ADAM12: variants seen among roughly 807,000 people sequenced by gnomAD.
ADAM12 encodes the protein ADAM metallopeptidase domain 12, also known as disintegrin and metalloproteinase domain-containing protein 12.
Under a neutral mutation model 106.4 loss-of-function variants are expected in ADAM12, and 70 were observed. The observed-to-expected ratio is 0.66, with a 90% CI of 0.54 to 0.80. The LOEUF (loss-of-function observed/expected upper bound fraction) is 0.80. Ranked by LOEUF, ADAM12 falls within the 30% of genes least tolerant of loss-of-function variation. ADAM12 has a pLI of 0.00. For missense variants in ADAM12, 1,010 were observed against 1,171.9 expected, an observed-to-expected ratio of 0.86 and a Z score of 2.02; for synonymous variants, 420 against 433.5, an observed-to-expected ratio of 0.97 and a Z score of 0.39.
intron 4 of ADAM12, among the ~76,000 whole-genome samples, chr10:126,137,641 G>C (rs1956430223): frequency 6.6e-6 from 1 of 152,120 alleles, no homozygotes; most frequent in Non-Finnish European, 1.5e-5. Flanking sequence ...CATACAATAA[G>C]TGCCTTTTGT....
At position 126,370,155 on chromosome 10, in the gene ADAM12, T is replaced by C. The variant is rs144682890; in HGVS notation, c.88+17903A>G. Reference sequence around the variant, plus strand: ...TGAGCCTTTGAATGAGATCCAGTCCTGGCTAACATCTTGACTGAAACCAGT... The same window carrying C: ...TGAGCCTTTGAATGAGATCCAGTCCCGGCTAACATCTTGACTGAAACCAGT... On this transcript the variant is annotated intron_variant, in intron 1 of 22. Transcript: ENST00000448723. Among the ~76,000 whole-genome samples, 176 of 152,292 alleles carry C rather than the reference T, an allele frequency of 1.2e-3. 2 individuals are homozygous for C. Among genetic ancestry groups the C allele is most frequent in the African/African-American group, 4.0e-3 (168 of 41,566 alleles).
intron 2 of ADAM12, among the ~76,000 whole-genome samples, chr10:126,310,134 G>C (rs189447367): frequency 2.0e-5 from 3 of 150,618 alleles, no homozygotes; most frequent in Admixed American, 1.3e-4. Flanking sequence ...ACTCCAGCCT[G>C]GGTGACAGAG....
intron 3 of ADAM12, among the ~76,000 whole-genome samples, chr10:126,272,224 A>G (rs1959181200): frequency 6.6e-6 from 1 of 152,216 alleles, no homozygotes; most frequent in Non-Finnish European, 1.5e-5. Context: ...TCCAGGGTCA[A>G]TTATACTGTC....
chr10:126,120,914 AT>A (rs1956073137), intron 5 of ADAM12, among the ~76,000 whole-genome samples: 1 of 138,420 alleles, frequency 7.2e-6, no homozygotes, highest in African/African-American at 2.7e-5. Context: ...TATAATATAT[AT>A]GCAATATAAT....
intron 3 of ADAM12, among the ~76,000 whole-genome samples, chr10:126,189,856 G>A (rs868547733): frequency 4.9e-4 from 75 of 152,204 alleles, no homozygotes; most frequent in African/African-American, 1.7e-3. Flanking sequence ...TCCTGAAGAC[G>A]GCATTGCGGT....
intron 7 of ADAM12, among the ~76,000 whole-genome samples, chr10:126,109,403 T>C (rs548588881): frequency 2.3e-4 from 35 of 152,326 alleles, no homozygotes; most frequent in African/African-American, 7.9e-4. Context: ...CATTTATTCA[T>C]TTTGATTAAT....
intron 3 of ADAM12, among the ~76,000 whole-genome samples, chr10:126,241,141 T>C (rs1958515134): frequency 6.6e-6 from 1 of 152,180 alleles, no homozygotes; most frequent in African/African-American, 2.4e-5. Context: ...ACTATATAAC[T>C]GCACGGACAC....
intron 21 of ADAM12, among the ~76,000 whole-genome samples, chr10:126,032,731 T>TC (rs1953992517): frequency 6.6e-6 from 1 of 152,160 alleles, no homozygotes; most frequent in Non-Finnish European, 1.5e-5. Context: ...ATTTTATGAG[T>TC]TCATAGCTTT....
intron 3 of ADAM12, among the ~76,000 whole-genome samples, chr10:126,226,992 C>T (rs1476188756): frequency 1.3e-5 from 2 of 152,162 alleles, no homozygotes; most frequent in Non-Finnish European, 2.9e-5. Flanking sequence ...TATCGTACAG[C>T]AGATTCAACA....
At chr10:126,042,112 T>A in intron 18 of ADAM12, 2 of 1,612,296 alleles carry the variant, frequency 1.2e-6, no homozygotes, top group Non-Finnish European at 8.5e-7. Flanking sequence ...CTGGTCACGG[T>A]CTCCATGTCA....
intron 3 of ADAM12, among the ~76,000 whole-genome samples, chr10:126,240,451 C>T (rs1002602522): frequency 2.0e-5 from 3 of 152,222 alleles, no homozygotes. Context: ...AGGAGACCTA[C>T]ATAAAACGAG....
At chr10:126,169,605 T>C (rs549823361) in intron 3 of ADAM12, among the ~76,000 whole-genome samples, 36 of 152,198 alleles carry the variant, frequency 2.4e-4, no homozygotes, top group Admixed American at 2.0e-3. Flanking sequence ...TAAAATAAAA[T>C]AAAACCACCA....
At chr10:126,287,902 T>G (rs1959947752) in intron 2 of ADAM12, among the ~76,000 whole-genome samples, 1 of 151,832 alleles carries the variant, frequency 6.6e-6, no homozygotes, top group Non-Finnish European at 1.5e-5. Context: ...GGACAAAGAA[T>G]TTGTCAGCGT....
At chr10:126,076,119 C>T (rs1473075613) in intron 11 of ADAM12, among the ~76,000 whole-genome samples, 3 of 152,146 alleles carry the variant, frequency 2.0e-5, no homozygotes, top group Non-Finnish European at 4.4e-5. Flanking sequence ...CTGTTGTACT[C>T]ATCTTTACAT....
chr10:126,076,275 T>A (rs1294957520), intron 11 of ADAM12, among the ~76,000 whole-genome samples: 1 of 152,254 alleles, frequency 6.6e-6, no homozygotes, highest in East Asian at 1.9e-4. Context: ...TTTTGATGGC[T>A]GTGTAGTATT....
intron 1 of ADAM12, among the ~76,000 whole-genome samples, chr10:126,364,017 GAATA>G (rs1466926277): frequency 3.9e-5 from 6 of 151,982 alleles, no homozygotes; most frequent in African/African-American, 1.5e-4. Flanking sequence ...ATCCATGAAT[GAATA>G]TTTATATCAA....
chr10:126,169,431 T>C (rs1489579870), intron 3 of ADAM12, among the ~76,000 whole-genome samples: 9 of 152,224 alleles, frequency 5.9e-5, no homozygotes, highest in African/African-American at 2.2e-4. Flanking sequence ...TCCCCAGCCC[T>C]TACATTAATG....
Position 126,108,600 on chromosome 10 carries a change from A to G in ADAM12, c.734T>C (p.Val245Ala), listed in dbSNP as rs775691299. 1.7e-5 allele frequency: 28 copies of G among 1,613,702 alleles called. No homozygotes were observed. The highest frequency in any genetic ancestry group is 2.1e-5 in the Non-Finnish European group (25 of 1,179,670). The change falls in exon 8 of 23, where the codon GTT becomes GCT. Residue 245 changes from valine to alanine, a missense_variant. Physicochemically the swap from Val to Ala is moderately conservative, Grantham distance 64. This residue lies in a region of ADAM12 where 391 missense variants were observed against 442.9 expected (regional missense o/e 0.88). Coordinates refer to ENST00000448723, the MANE Select transcript of ADAM12 (RefSeq NM_001288973.2). ...TACTGAAAAAGAACTTACCTTGTCA[A>G]CGTGATTAGCAATCTCTATTAATCG... The part of the protein sequence containing the change: ...KQRLIEIANH[V>A]DKFYRPLNIR...
At chr10:126,368,356 G>GTTTTTT (rs34317249) in intron 1 of ADAM12, among the ~76,000 whole-genome samples, 1 of 118,402 alleles carries the variant, frequency 8.4e-6, no homozygotes, top group Non-Finnish European at 1.8e-5. Flanking sequence ...TGTGTGATTT[G>GTTTTTT]TTTTTTTTTT....
Sources: gnomAD v4.1 joint callset for allele counts (sites outside exome capture counted in the v4.1 genomes callset) on GRCh38, gnomAD v4.1.1 for gene constraint, gnomAD v4.1.1 regional missense constraint, MANE v1.5 for transcripts, NCBI Gene and HGNC (gene_info 2026-07-23, HGNC 2026-07-21) for gene names.